IPPK: variants seen among roughly 807,000 people sequenced by gnomAD.
IPPK encodes IPK1 homolog.
IPPK carries 22 observed loss-of-function variants against 64.6 expected under a neutral mutation model. The ratio of observed to expected loss-of-function variants is 0.34; its 90% CI spans 0.24 to 0.49. The LOEUF is 0.49. IPPK is among the 20% of genes least tolerant of loss of function. The pLI is 0.99. For missense variants in IPPK, 532 were observed against 630.7 expected, an observed-to-expected ratio of 0.84 and a Z score of 1.68; for synonymous variants, 262 against 247.2, an observed-to-expected ratio of 1.06 and a Z score of -0.56.
chr9:92,615,777 C>G lies in IPPK; in HGVS notation c.*55G>C, dbSNP rs1851409466. ...TCACCCAACACAACAGAAAATATCTCTATCATTCAGCCTTCACATTATGTT... is the reference window on the plus strand; with the variant it reads ...TCACCCAACACAACAGAAAATATCTGTATCATTCAGCCTTCACATTATGTT... On this transcript the variant is annotated 3_prime_UTR_variant, in exon 13 of 13. Coordinates refer to ENST00000287996, the MANE Select transcript of IPPK (RefSeq NM_022755.6). 1 of 1,396,760 alleles carries G rather than the reference C, an allele frequency of 7.2e-7. No homozygotes were observed. The highest frequency in any genetic ancestry group is 1.7e-5 in the Admixed American group (1 of 58,866). The allele number at this position is 1,396,760 out of a possible 1,614,324, so 86.5% of individuals were successfully genotyped here.
chr9:92,636,143 C>T (rs1368051637), intron 9 of IPPK, among the ~76,000 whole-genome samples: 1 of 152,168 alleles, frequency 6.6e-6, no homozygotes, highest in Admixed American at 6.5e-5. Flanking sequence ...CAACCATCTC[C>T]CACAAAGAAC....
At chr9:92,637,158 T>G (rs1357455654) in intron 9 of IPPK, among the ~76,000 whole-genome samples, 1 of 152,026 alleles carries the variant, frequency 6.6e-6, no homozygotes, top group Non-Finnish European at 1.5e-5. Context: ...CTGTCTTTAC[T>G]AAAATACAAA....
At chr9:92,618,408 A>G in intron 12 of IPPK, 1 of 456,698 alleles carries the variant, frequency 2.2e-6, no homozygotes, top group South Asian at 1.5e-5. Context: ...ACCAGGCACT[A>G]AGAGATTCCC....
At chr9:92,630,152 TCAATGGATGAATGGATATGTCCAC>T (rs372367554) in intron 11 of IPPK, among the ~76,000 whole-genome samples, 61 of 152,260 alleles carry the variant, frequency 4.0e-4, no homozygotes, top group African/African-American at 1.4e-3. Context: ...CAAATGTCCA[TCAATGGATGAATGGATATGTCCAC>T]CCCATGGACT....
intron 11 of IPPK, 89 bp downstream of exon 11, chr9:92,634,297 A>G: frequency 2.3e-6 from 2 of 858,022 alleles, no homozygotes; most frequent in Non-Finnish European, 3.8e-6. Context: ...AGGGGTAGGT[A>G]ATGGAAAAAA....
At chr9:92,622,101 A>G (rs1851649964) in intron 11 of IPPK, among the ~76,000 whole-genome samples, 1 of 152,210 alleles carries the variant, frequency 6.6e-6, no homozygotes, top group African/African-American at 2.4e-5. Context: ...GAAATAGAAA[A>G]GGCATTGATA....
rs372494177 is a variant in IPPK, at chr9:92,658,524, G to A, written c.129+110C>T. The A allele has an allele frequency of 1.1e-4, 100 of 922,982 alleles. No homozygotes were observed. In the South Asian group the frequency reaches 1.4e-3, roughly 12 times the overall value. 57.2% of individuals were successfully genotyped at this position (922,982 alleles called of 1,614,324 possible). ...ACACCACTTTCTGCACTGAATGCTTGTATCATCTTTGAATGCTACAACTAG... is the reference window on the plus strand; with the variant it reads ...ACACCACTTTCTGCACTGAATGCTTATATCATCTTTGAATGCTACAACTAG... On this transcript the variant is annotated intron_variant, in intron 2 of 12. Coordinates refer to ENST00000287996, the MANE Select transcript of IPPK (RefSeq NM_022755.6).
intron 11 of IPPK, among the ~76,000 whole-genome samples, chr9:92,631,749 A>G (rs564805425): frequency 4.8e-4 from 73 of 152,210 alleles, no homozygotes; most frequent in Non-Finnish European, 8.7e-4. Flanking sequence ...TCTTATTCAG[A>G]TATCTCGGGT....
At chr9:92,657,152 C>G (rs914600444) in intron 2 of IPPK, among the ~76,000 whole-genome samples, 11 of 152,140 alleles carry the variant, frequency 7.2e-5, no homozygotes, top group Non-Finnish European at 1.0e-4. Flanking sequence ...GAGTTCAAGA[C>G]CAGCCTGGTC....
intron 11 of IPPK, among the ~76,000 whole-genome samples, chr9:92,623,396 T>C (rs187912217): frequency 2.5e-3 from 365 of 148,082 alleles, no homozygotes; most frequent in African/African-American, 8.8e-3. Flanking sequence ...ATCGCGCCAC[T>C]GCACTCCAGC....
intron 2 of IPPK, among the ~76,000 whole-genome samples, chr9:92,656,858 A>G (rs1305419100): frequency 6.6e-6 from 1 of 152,178 alleles, no homozygotes; most frequent in East Asian, 1.9e-4. Context: ...ATGCCTTCCA[A>G]GGAATGTGAC....
intron 7 of IPPK, 71 bp downstream of exon 7, chr9:92,642,681 G>A: frequency 7.6e-7 from 1 of 1,320,538 alleles, no homozygotes; most frequent in Admixed American, 1.7e-5. Flanking sequence ...CCCCCCACCA[G>A]GCACTGGCCC....
intron 7 of IPPK, among the ~76,000 whole-genome samples, chr9:92,642,131 C>T (rs774513657): frequency 2.6e-5 from 4 of 152,242 alleles, no homozygotes; most frequent in Non-Finnish European, 5.9e-5. Context: ...AGGGCCTGCT[C>T]GCTGGGCCCC....
chr9:92,658,888 T>A (rs1303247644), intron 1 of IPPK, among the ~76,000 whole-genome samples: 1 of 152,188 alleles, frequency 6.6e-6, no homozygotes, highest in Non-Finnish European at 1.5e-5. Flanking sequence ...ACCTTCAGCC[T>A]CTGACCAGCC....
Position 92,615,894 on chromosome 9 carries a change from C to T in IPPK, c.1414G>A (p.Ala472Thr), listed in dbSNP as rs148626718. ...YSKTVRAKDN[A>T]VMSTRFKESE... ...TCCTTGAACCGAGTCGACATCACGG[C>T]GTTGTCTTTGGCACGTACAGTCTTT... is the stretch of plus-strand genomic sequence containing the variant. The change falls in exon 13 of 13, where the codon GCC becomes ACC. Residue 472 changes from alanine (A) to threonine (T), a missense_variant. Ala to Thr is a moderately conservative substitution (Grantham distance 58). Transcript: ENST00000287996. The T allele has an allele frequency of 4.6e-4, 742 of 1,614,184 alleles. 5 individuals carry two copies. In the East Asian group the frequency reaches 0.015, roughly 33 times the overall value.
chr9:92,664,939 G>A (rs1429879495), intron 1 of IPPK, among the ~76,000 whole-genome samples: 1 of 152,190 alleles, frequency 6.6e-6, no homozygotes, highest in African/African-American at 2.4e-5. Context: ...GTAAAAGTAG[G>A]AGGTGAGCCA....
At chr9:92,649,981 G>A (rs1320062191) in intron 4 of IPPK, among the ~76,000 whole-genome samples, 2 of 145,466 alleles carry the variant, frequency 1.4e-5, no homozygotes, top group South Asian at 2.2e-4. Context: ...AGCCGAGATC[G>A]TGCTACTGCA....
chr9:92,632,329 C>T (rs992329117), intron 11 of IPPK, among the ~76,000 whole-genome samples: 46 of 152,314 alleles, frequency 3.0e-4, no homozygotes, highest in East Asian at 5.8e-4. Context: ...CCATCCCCAT[C>T]AGCAACAGAT....
chr9:92,622,687 G>A lies in IPPK; in HGVS notation c.1171-3122C>T, dbSNP rs182469146. On this transcript the variant is annotated intron_variant, in intron 11 of 12. Transcript: ENST00000287996. ...AGATTTCAACACTCATCATTTTAAC[G>A]CTACACCATGAAAATCCCAGTGGCT... is the stretch of plus-strand genomic sequence containing the variant. Among the ~76,000 whole-genome samples, 227 of 152,034 alleles carry A rather than the reference G, an allele frequency of 1.5e-3. 2 individuals are homozygous for A. The highest frequency in any genetic ancestry group is 0.014 in the Middle Eastern group (4 of 294).
Sources: allele counts gnomAD v4.1 joint callset (sites outside exome capture counted in the v4.1 genomes callset), GRCh38; gene constraint gnomAD v4.1.1; transcripts MANE v1.5; gene names NCBI Gene and HGNC (gene_info 2026-07-23, HGNC 2026-07-21).